The following ZNF500 variants were observed in gnomAD, a reference collection of about 807,000 sequenced individuals.
ZNF500 encodes the protein zinc finger protein 500, also known as zinc finger protein with KRAB and SCAN domains 18.
A neutral mutation model predicts 30.1 loss-of-function variants in ZNF500; 31 were observed. The observed-to-expected ratio is 1.03, with a 90% CI of 0.77 to 1.39. ZNF500 has a LOEUF of 1.39. Among genes scored for constraint, ZNF500 ranks in the 40% most tolerant of loss-of-function variants. ZNF500 has a pLI of 0.00. For missense variants in ZNF500, 817 were observed against 657.8 expected (o/e 1.24, Z -2.65); for synonymous variants, 392 against 282.0 (o/e 1.39, Z -3.91).
At chr16:4,766,544 C>T (rs2082266815) in intron 1 of ZNF500, among the ~76,000 whole-genome samples, 1 of 152,130 alleles carries the variant, frequency 6.6e-6, no homozygotes, top group South Asian at 2.1e-4. Context: ...TCGCTTGAAC[C>T]CGGGAGATGG....
downstream of ZNF500, chr16:4,746,049 G>A (rs540057714): frequency 1.6e-4 from 35 of 224,152 alleles, no homozygotes; most frequent in East Asian, 3.4e-3. Context: ...AACACCTAAC[G>A]TGGTGAATGT....
At chr16:4,761,172 C>T (rs1251561013) in intron 4 of ZNF500, among the ~76,000 whole-genome samples, 1 of 152,038 alleles carries the variant, frequency 6.6e-6, no homozygotes, top group East Asian at 1.9e-4. Flanking sequence ...CGCGGTGGCT[C>T]ACACCCGTAA....
downstream of ZNF500, among the ~76,000 whole-genome samples, chr16:4,745,448 T>C (rs1364604722): frequency 6.6e-6 from 1 of 152,176 alleles, no homozygotes; most frequent in East Asian, 1.9e-4. Flanking sequence ...CAGCCACCTG[T>C]CCTGCCACAG....
intron 2 of ZNF500, chr16:4,763,136 A>G: frequency 1.0e-6 from 1 of 985,276 alleles, no homozygotes; most frequent in Non-Finnish European, 1.2e-6. Flanking sequence ...AATGGCTCAC[A>G]CCTGTAATTC....
chr16:4,766,908 G>A (rs1221870977), intron 1 of ZNF500, 109 bp downstream of exon 1: 1 of 152,260 alleles, frequency 6.6e-6, no homozygotes, highest in African/African-American at 2.4e-5. Flanking sequence ...TCATCCCTCA[G>A]GTGGAGGGTG....
At chr16:4,754,431 A>G (rs562243148) in intron 5 of ZNF500, among the ~76,000 whole-genome samples, 2 of 152,180 alleles carry the variant, frequency 1.3e-5, no homozygotes, top group South Asian at 4.1e-4. Context: ...AGGCCGAGGA[A>G]GGCGGATCAC....
At chr16:4,763,904 A>C in intron 2 of ZNF500, 1 of 985,452 alleles carries the variant, frequency 1.0e-6, no homozygotes, top group Non-Finnish European at 1.2e-6. Context: ...TGCAGCCAGC[A>C]GCACTGCCAC....
intron 5 of ZNF500, among the ~76,000 whole-genome samples, chr16:4,754,712 G>C (rs2142230557): frequency 6.6e-6 from 1 of 151,366 alleles, no homozygotes; most frequent in Middle Eastern, 3.4e-3. Flanking sequence ...CTGAGAGGAG[G>C]ATTGGAACCA....
Position 4,751,583 on chromosome 16 carries a change from C to T in ZNF500, c.*793G>A, listed in dbSNP as rs1869909. The T allele has an allele frequency of 6.5e-7, 1 of 1,534,444 alleles. No individual in the cohort carries two copies. The highest frequency in any genetic ancestry group is 1.4e-5 in the African/African-American group (1 of 73,008). On this transcript the variant is annotated 3_prime_UTR_variant, in exon 6 of 6. Coordinates refer to ENST00000219478, the MANE Select transcript of ZNF500 (RefSeq NM_021646.4). ...AGCTGGAGACCACGTCCTGGGAAGG[C>T]TGGGGTACAGCAGGGCTCCCTGCAG...
At chr16:4,747,929 G>A (rs997649353), downstream of ZNF500, among the ~76,000 whole-genome samples, 3 of 152,120 alleles carry the variant, frequency 2.0e-5, no homozygotes, top group African/African-American at 7.2e-5. Flanking sequence ...GCTCTCTGCG[G>A]GACTCTGAGG....
chr16:4,752,292 G>A lies in ZNF500; in HGVS notation c.*84C>T, dbSNP rs2082088242. ...TGGGAGGAAACGGGCAGCTGGCAAT[G>A]CTTTCGGACCAGGCTGTCTAGCAGT... On this transcript the variant is annotated 3_prime_UTR_variant, in exon 6 of 6. Transcript: ENST00000219478. 7.0e-7 allele frequency: 1 copy of A among 1,430,152 alleles called. No individual in the cohort carries two copies. The highest frequency in any genetic ancestry group is 9.1e-7 in the Non-Finnish European group (1 of 1,096,810). The allele number at this position is 1,430,152 out of a possible 1,614,324, so 88.6% of individuals were successfully genotyped here.
chr16:4,765,095 G>A (rs1394667125), intron 2 of ZNF500, among the ~76,000 whole-genome samples: 4 of 152,166 alleles, frequency 2.6e-5, no homozygotes, highest in South Asian at 2.1e-4. Flanking sequence ...GAGGCCAGGA[G>A]TTCAAGACCA....
At chr16:4,758,254 C>CT (rs2141840506) in intron 5 of ZNF500, 2 of 151,916 alleles carry the variant, frequency 1.3e-5, no homozygotes, top group African/African-American at 4.8e-5. Flanking sequence ...CCCCACAGAC[C>CT]TTTTTTACCA....
chr16:4,746,315 C>G, downstream of ZNF500: 1 of 1,528,974 alleles, frequency 6.5e-7, no homozygotes. Flanking sequence ...ACAAACCCAG[C>G]GCAGGTCACA....
In ZNF500 at chr16:4,751,541, C is replaced by T; in HGVS notation, c.*835G>A. 1 of 1,528,288 alleles carries T rather than the reference C, an allele frequency of 6.5e-7. No homozygotes were observed. The highest frequency in any genetic ancestry group is 8.7e-7 in the Non-Finnish European group (1 of 1,144,218). The allele number at this position is 1,528,288 out of a possible 1,614,324, so 94.7% of individuals were successfully genotyped here. A position where few individuals can be genotyped will look rare whatever the true frequency, so the allele number is the denominator to read the frequency against. ...CAGAGCCCCGGGCTCCATTTGGAAA[C>T]TCTGGCAGGATGAAGAAGCTGGAGA... On this transcript the variant is annotated 3_prime_UTR_variant, in exon 6 of 6. Transcript: ENST00000219478.
At chr16:4,754,969 C>T (rs1227471178) in intron 5 of ZNF500, among the ~76,000 whole-genome samples, 1 of 152,178 alleles carries the variant, frequency 6.6e-6, no homozygotes, top group Non-Finnish European at 1.5e-5. Flanking sequence ...AAGTGAGCGG[C>T]ACCTCCCCTC....
chr16:4,747,025 G>C (rs199612882), downstream of ZNF500: 3 of 1,528,314 alleles, frequency 2.0e-6, no homozygotes, highest in Non-Finnish European at 2.6e-6. Context: ...CTGGGGCTAC[G>C]GTAACCACCC....
intron 3 of ZNF500, 115 bp downstream of exon 3, chr16:4,762,458 A>G (rs887687862): frequency 1.3e-6 from 2 of 1,509,406 alleles, no homozygotes; most frequent in Middle Eastern, 2.3e-4. Context: ...CTTGCTGGAG[A>G]GCCTGTGCAC....
chr16:4,765,478 T>C (rs1471921261), intron 2 of ZNF500, 87 bp downstream of exon 2: 1 of 1,502,354 alleles, frequency 6.7e-7, no homozygotes, highest in Non-Finnish European at 8.9e-7. Flanking sequence ...CCACACTTGG[T>C]CACCCAATGA....
Sources: gnomAD v4.1 joint callset for allele counts (sites outside exome capture counted in the v4.1 genomes callset) on GRCh38, gnomAD v4.1.1 for gene constraint, MANE v1.5 for transcripts, NCBI Gene and HGNC (gene_info 2026-07-23, HGNC 2026-07-21) for gene names.